Variants in PPP3CA observed in about 807,000 individuals in gnomAD.
PPP3CA encodes the protein CAM-PRP catalytic subunit.
A neutral mutation model predicts 66.5 loss-of-function variants in PPP3CA; 14 were observed. That is an observed-to-expected ratio of 0.21 (90% CI 0.14 to 0.33). The LOEUF (loss-of-function observed/expected upper bound fraction) is 0.33. PPP3CA is among the 10% of genes least tolerant of loss of function. The probability of loss-of-function intolerance (pLI) is 1.00; values close to 1 mark genes in which losing one functional copy is unlikely to be tolerated. For missense variants in PPP3CA, 317 were observed against 639.5 expected (o/e 0.50, Z 5.44); for synonymous variants, 232 against 226.2 (o/e 1.03, Z -0.23).
rs779695561 is a variant in PPP3CA, at chr4:101,154,808, A to ATTT, written c.259+41105_259+41107dup. ...GCTTCAGAACACATTCACTCCCAGA[A>ATTT]TTTTTTTTTTTTTTTTTTTTTTTTT... On this transcript the variant is annotated intron_variant, in intron 2 of 13. Coordinates refer to ENST00000394854, the MANE Select transcript of PPP3CA (RefSeq NM_000944.5). Among the ~76,000 whole-genome samples, 138 of 90,578 alleles carry ATTT rather than the reference A, an allele frequency of 1.5e-3. 7 individuals are homozygous for ATTT. The highest frequency in any genetic ancestry group is 4.8e-3 in the African/African-American group (94 of 19,578). 59.4% of individuals were successfully genotyped at this position (90,578 alleles called of 152,430 possible).
At chr4:101,171,542 CT>C (rs916075706) in intron 2 of PPP3CA, among the ~76,000 whole-genome samples, 4 of 152,086 alleles carry the variant, frequency 2.6e-5, no homozygotes, top group African/African-American at 9.7e-5. Context: ...TTCAGCCCTT[CT>C]AAAACTATTA....
chr4:101,128,116 C>T (rs1722305054), intron 2 of PPP3CA, among the ~76,000 whole-genome samples: 1 of 152,138 alleles, frequency 6.6e-6, no homozygotes, highest in African/African-American at 2.4e-5. Context: ...GTCCAGTCTT[C>T]CCTATCCTAA....
chr4:101,346,215 G>A (rs1729988132), intron 1 of PPP3CA, among the ~76,000 whole-genome samples: 1 of 151,996 alleles, frequency 6.6e-6, no homozygotes, highest in Non-Finnish European at 1.5e-5. Flanking sequence ...GGGGCGCGGA[G>A]GGAATTGCTG....
intron 8 of PPP3CA, among the ~76,000 whole-genome samples, chr4:101,068,598 C>T (rs1315847369): frequency 2.6e-5 from 4 of 152,010 alleles, no homozygotes; most frequent in Non-Finnish European, 4.4e-5. Context: ...TGCATATTCA[C>T]ATATATGCAT....
intron 2 of PPP3CA, among the ~76,000 whole-genome samples, chr4:101,113,467 G>T (rs1249717377): frequency 1.3e-5 from 2 of 152,104 alleles, no homozygotes; most frequent in Non-Finnish European, 2.9e-5. Context: ...GTTGCTGTGA[G>T]ATTAGGACTT....
At chr4:101,077,791 C>T (rs1275821545) in intron 8 of PPP3CA, among the ~76,000 whole-genome samples, 1 of 150,210 alleles carries the variant, frequency 6.7e-6, no homozygotes, top group Non-Finnish European at 1.5e-5. Flanking sequence ...GAAAGAACTA[C>T]AAAATCTCAA....
At chr4:101,204,952 C>T (rs924984551) in intron 1 of PPP3CA, among the ~76,000 whole-genome samples, 2 of 148,692 alleles carry the variant, frequency 1.3e-5, no homozygotes, top group African/African-American at 2.5e-5. Flanking sequence ...CCATGAGGTA[C>T]CCCAACTATC....
intron 2 of PPP3CA, among the ~76,000 whole-genome samples, chr4:101,159,233 G>GA (rs1349895881): frequency 6.6e-6 from 1 of 152,188 alleles, no homozygotes; most frequent in Admixed American, 6.5e-5. Flanking sequence ...GTTGGAACTG[G>GA]AAAAGAAGTA....
chr4:101,108,558 G>C (rs1721526196), intron 3 of PPP3CA, among the ~76,000 whole-genome samples: 1 of 152,146 alleles, frequency 6.6e-6, no homozygotes, highest in Admixed American at 6.6e-5. Flanking sequence ...CTGAGGTCAG[G>C]AGTTTGAGAT....
intron 1 of PPP3CA, among the ~76,000 whole-genome samples, chr4:101,336,262 G>T (rs980813957): frequency 6.6e-6 from 1 of 150,404 alleles, no homozygotes; most frequent in Non-Finnish European, 1.5e-5. Flanking sequence ...GTGAGGAATA[G>T]CTAGAAGACT....
chr4:101,117,314 T>C (rs1721867015), intron 2 of PPP3CA, among the ~76,000 whole-genome samples: 1 of 151,888 alleles, frequency 6.6e-6, no homozygotes, highest in African/African-American at 2.4e-5. Context: ...AAAACTATTT[T>C]ATCAAAGGCC....
intron 1 of PPP3CA, among the ~76,000 whole-genome samples, chr4:101,346,453 C>G (rs930719033): frequency 9.9e-5 from 15 of 151,940 alleles, no homozygotes; most frequent in African/African-American, 3.4e-4. Flanking sequence ...CCCCTCCCAC[C>G]ACCGCCACCC....
chr4:101,107,017 A>G (rs948541375), intron 3 of PPP3CA, among the ~76,000 whole-genome samples: 3 of 152,206 alleles, frequency 2.0e-5, no homozygotes, highest in Non-Finnish European at 4.4e-5. Context: ...TGTGATATAA[A>G]GGTCTTACAA....
intron 11 of PPP3CA, among the ~76,000 whole-genome samples, chr4:101,036,186 TATA>T (rs1476870089): frequency 1.3e-5 from 2 of 152,258 alleles, no homozygotes; most frequent in African/African-American, 4.8e-5. Context: ...CAGACTGTAT[TATA>T]ATAATTTCTT....
intron 1 of PPP3CA, among the ~76,000 whole-genome samples, chr4:101,246,719 CTG>C (rs1667014171): frequency 6.6e-6 from 1 of 152,022 alleles, no homozygotes; most frequent in Non-Finnish European, 1.5e-5. Context: ...GTATATATAT[CTG>C]TGTCTGTGTA....
At chr4:101,115,185 C>T (rs1338723063) in intron 2 of PPP3CA, among the ~76,000 whole-genome samples, 2 of 152,018 alleles carry the variant, frequency 1.3e-5, no homozygotes, top group African/African-American at 4.8e-5. Flanking sequence ...TTGCAATACA[C>T]AAACTGAACA....
intron 1 of PPP3CA, among the ~76,000 whole-genome samples, chr4:101,275,834 G>A (rs183371139): frequency 4.0e-5 from 6 of 148,768 alleles, no homozygotes; most frequent in African/African-American, 9.9e-5. Context: ...GGTTTTTTTC[G>A]CTTTTTGTTT....
intron 1 of PPP3CA, among the ~76,000 whole-genome samples, chr4:101,218,376 A>G (rs1725516927): frequency 6.6e-6 from 1 of 152,100 alleles, no homozygotes; most frequent in African/African-American, 2.4e-5. Context: ...AACTCCCATT[A>G]AAAACCCGTT....
chr4:101,229,055 A>G (rs1004760446), intron 1 of PPP3CA, among the ~76,000 whole-genome samples: 1 of 151,722 alleles, frequency 6.6e-6, no homozygotes. Context: ...GGGTTTGCAA[A>G]TAACTGCAGT....
Sources: gnomAD v4.1 joint callset for allele counts (sites outside exome capture counted in the v4.1 genomes callset) on GRCh38, gnomAD v4.1.1 for gene constraint, MANE v1.5 for transcripts, NCBI Gene and HGNC (gene_info 2026-07-23, HGNC 2026-07-21) for gene names.